Variants in CCNDBP1 observed in about 807,000 individuals in gnomAD.
CCNDBP1 encodes cyclin D1 binding protein 1.
Under a neutral mutation model 46.2 loss-of-function variants are expected in CCNDBP1, and 45 were observed. The ratio of observed to expected loss-of-function variants is 0.97; its 90% CI spans 0.77 to 1.25. The LOEUF (loss-of-function observed/expected upper bound fraction) is 1.25, where lower values mean the gene tolerates loss of function less well. CCNDBP1 is among the 50% of genes most tolerant of loss of function. The pLI is 0.00. For synonymous variants in CCNDBP1, 154 were observed against 163.6 expected, an observed-to-expected ratio of 0.94 and a Z score of 0.45; for missense variants, 436 against 442.1, an observed-to-expected ratio of 0.99 and a Z score of 0.12.
chr15:43,191,755 GT>G, intron 8 of CCNDBP1, 80 bp downstream of exon 8: 1 of 1,486,960 alleles, frequency 6.7e-7, no homozygotes, highest in Non-Finnish European at 9.0e-7. Flanking sequence ...GGTTTTCACA[GT>G]TTTTTTATAT....
chr15:43,186,294 T>G lies in CCNDBP1; in HGVS notation c.249+61T>G, dbSNP rs903347914. The G allele has an allele frequency of 8.0e-6, 11 of 1,373,704 alleles. No individual in the cohort carries two copies. In the Admixed American group the frequency reaches 2.0e-4, roughly 25 times the overall value. 85.1% of individuals were successfully genotyped at this position (1,373,704 alleles called of 1,614,324 possible). On this transcript the variant is annotated intron_variant, in intron 3 of 10. Transcript: ENST00000300213. Reference sequence around the variant, plus strand: ...AGTTACACCTTAGGAATCCTCTAATTTTCTTTCCACCTTTTGCACGCACGC... The same window carrying G: ...AGTTACACCTTAGGAATCCTCTAATGTTCTTTCCACCTTTTGCACGCACGC...
chr15:43,196,537 G>A lies in CCNDBP1; in HGVS notation c.*1696G>A, dbSNP rs768893150. On this transcript the variant is annotated 3_prime_UTR_variant, in exon 11 of 11. Coordinates refer to ENST00000300213, the MANE Select transcript of CCNDBP1 (RefSeq NM_012142.5). ...TCCTGACCTCAGGTGATCTGCCCAC[G>A]TCAGCCTCCCAAAGTGCTGGGATTA... 1.3e-5 allele frequency: 2 copies of A among 151,870 alleles called. No homozygotes were observed. Among genetic ancestry groups the A allele is most frequent in the Non-Finnish European group, 2.9e-5 (2 of 68,086 alleles). 9.4% of individuals were successfully genotyped at this position (151,870 alleles called of 1,614,324 possible). A position where few individuals can be genotyped will look rare whatever the true frequency, so the allele number is the denominator to read the frequency against.
rs1031611384 is a variant in CCNDBP1, at chr15:43,195,537, G to A, written c.*696G>A. 1 of 152,138 alleles carries A rather than the reference G, an allele frequency of 6.6e-6. No individual in the cohort carries two copies. Among genetic ancestry groups the A allele is most frequent in the Non-Finnish European group, 1.5e-5 (1 of 68,022 alleles). The allele number at this position is 152,138 out of a possible 1,614,324, so 9.4% of individuals were successfully genotyped here. ...TCCTTGGTTACGTGTGTCCCCAAATGTAAATACCAAATTTTTATAAATCAA... is the reference window on the plus strand; with the variant it reads ...TCCTTGGTTACGTGTGTCCCCAAATATAAATACCAAATTTTTATAAATCAA... On this transcript the variant is annotated 3_prime_UTR_variant, in exon 11 of 11. Transcript: ENST00000300213.
chr15:43,185,978 C>A, intron 2 of CCNDBP1, 99 bp downstream of exon 2: 1 of 1,269,016 alleles, frequency 7.9e-7, no homozygotes, highest in Non-Finnish European at 1.1e-6. Context: ...TGCTCTCCCC[C>A]GCTGCATCCT....
intron 7 of CCNDBP1, 102 bp downstream of exon 7, chr15:43,191,144 C>A: frequency 1.0e-6 from 1 of 961,528 alleles, no homozygotes; most frequent in Non-Finnish European, 1.6e-6. Flanking sequence ...GTCCCATTCT[C>A]ACTACTGTCC....
intron 9 of CCNDBP1, 82 bp from the exon 10 acceptor site, chr15:43,194,333 A>G (rs2042010539): frequency 8.7e-7 from 1 of 1,147,804 alleles, no homozygotes; most frequent in Non-Finnish European, 1.2e-6. Context: ...TAATTTTTTT[A>G]TTACTTGGGT....
In CCNDBP1 at chr15:43,192,762, A is replaced by G. The variant is rs1161170118; in HGVS notation, c.880A>G (p.Ser294Gly). 6.2e-7 allele frequency: 1 copy of G among 1,614,102 alleles called. No individual in the cohort carries two copies. The highest frequency in any genetic ancestry group is 1.7e-5 in the Admixed American group (1 of 60,020). Residue 294 changes from serine to glycine, a missense_variant, in exon 9 of 11, where the codon AGC (serine) becomes GGC (glycine). Ser to Gly is a moderately conservative substitution (Grantham distance 56, BLOSUM62 0). Coordinates refer to ENST00000300213, the MANE Select transcript of CCNDBP1 (RefSeq NM_012142.5). ...TCTTAGTGTGGATGATTTGGCTCTG[A>G]GCATATATCCACCTATGTGTCACCT... ...ISPSVDDLAL[S>G]IYPPMCHLTV...
intron 6 of CCNDBP1, 21 bp from the exon 7 acceptor site, chr15:43,190,945 C>T (rs776870054): frequency 4.4e-6 from 7 of 1,595,826 alleles, no homozygotes; most frequent in East Asian, 2.2e-5. Context: ...AATTCTAGTG[C>T]TTCTGATTTT....
rs1199467377 is a variant in CCNDBP1, at chr15:43,189,452, T to C, written c.331+172T>C. 7 of 521,954 alleles carry C rather than the reference T, an allele frequency of 1.3e-5. No individual in the cohort carries two copies. In the Admixed American group the frequency reaches 1.5e-4, roughly 11 times the overall value. The allele number at this position is 521,954 out of a possible 1,614,324, so 32.3% of individuals were successfully genotyped here. On this transcript the variant is annotated intron_variant, in intron 4 of 10. Coordinates refer to ENST00000300213, the MANE Select transcript of CCNDBP1 (RefSeq NM_012142.5). Reference sequence around the variant, plus strand: ...ATATAAACAAGCCATTATTCTAAGATACAGATGCTTTGTTCCTATGACTTC... The same window carrying C: ...ATATAAACAAGCCATTATTCTAAGACACAGATGCTTTGTTCCTATGACTTC...
intron 9 of CCNDBP1, 33 bp downstream of exon 9, chr15:43,192,836 A>C: frequency 6.3e-7 from 1 of 1,585,600 alleles, no homozygotes. Flanking sequence ...TAGCTACAGA[A>C]CAAATGGGCA....
chr15:43,186,048 G>T, intron 2 of CCNDBP1, 106 bp from the exon 3 acceptor site: 1 of 1,248,992 alleles, frequency 8.0e-7, no homozygotes, highest in Admixed American at 1.7e-5. Flanking sequence ...TTCTAACCTC[G>T]ACATTCGGGA....
chr15:43,187,999 T>TG (rs1299667190), intron 3 of CCNDBP1, among the ~76,000 whole-genome samples: 3 of 152,110 alleles, frequency 2.0e-5, no homozygotes, highest in East Asian at 1.9e-4. Context: ...TTGGTTTTTT[T>TG]TTGTTGTTGT....
At position 43,189,077 on chromosome 15, in the gene CCNDBP1, CAAAAAAAAAAAAAAAA is replaced by C. The variant is rs763476042; in HGVS notation, c.250-110_250-95del. On this transcript the variant is annotated intron_variant, in intron 3 of 10. Coordinates refer to ENST00000300213, the MANE Select transcript of CCNDBP1 (RefSeq NM_012142.5). ...TGGGTGACAGAGTGAGACTCTGTCT[CAAAAAAAAAAAAAAAA>C]AAAAAAAAAAAGAAAAAGAAAGAAA... is the stretch of plus-strand genomic sequence containing the variant. 1.5e-4 allele frequency: 23 copies of C among 152,204 alleles called. No homozygotes were observed. The African/African-American group carries it at 3.4e-3, about 23-fold the overall frequency. 9.4% of individuals were successfully genotyped at this position (152,204 alleles called of 1,614,324 possible). A position where few individuals can be genotyped will look rare whatever the true frequency, so the allele number is the denominator to read the frequency against.
intron 3 of CCNDBP1, chr15:43,188,610 A>G (rs1860503247): frequency 6.6e-6 from 1 of 152,240 alleles, no homozygotes; most frequent in African/African-American, 2.4e-5. Flanking sequence ...GATATCATGA[A>G]TATCTTGGGA....
rs1478227866 is a variant in CCNDBP1, at chr15:43,191,342, CCTT to C, written c.580-52_580-50del. 7.7e-4 allele frequency: 853 copies of C among 1,108,948 alleles called. 4 individuals are homozygous for C. In the African/African-American group the frequency reaches 0.012, roughly 16 times the overall value. 68.7% of individuals were successfully genotyped at this position (1,108,948 alleles called of 1,614,324 possible). A position where few individuals can be genotyped will look rare whatever the true frequency, so the allele number is the denominator to read the frequency against. ...GGTAAAAGTATAATAATAGGCCTCG[CCTT>C]TTTTTTTTTTTTTTTTTTTTGCATT... On this transcript the variant is annotated intron_variant, in intron 7 of 10. Coordinates refer to ENST00000300213, the MANE Select transcript of CCNDBP1 (RefSeq NM_012142.5).
At chr15:43,186,733 T>TG (rs1491335416) in intron 3 of CCNDBP1, among the ~76,000 whole-genome samples, 2 of 152,246 alleles carry the variant, frequency 1.3e-5, no homozygotes, top group African/African-American at 4.8e-5. Flanking sequence ...CAAAGTGTGT[T>TG]AAGTTTACCT....
At position 43,197,042 on chromosome 15, in the gene CCNDBP1, C is replaced by A; in HGVS notation, c.*2201C>A. 1 of 481,462 alleles carries A rather than the reference C, an allele frequency of 2.1e-6. No individual in the cohort carries two copies. Among genetic ancestry groups the A allele is most frequent in the Non-Finnish European group, 3.8e-6 (1 of 264,796 alleles). The allele number at this position is 481,462 out of a possible 1,614,324, so 29.8% of individuals were successfully genotyped here. ...TGGCACTTACCCCTACCCCTCAACC[C>A]ATTCTTGCCCTGTGATCTCTGCTCA... On this transcript the variant is annotated 3_prime_UTR_variant, in exon 11 of 11. Transcript: ENST00000300213.
Position 43,195,595 on chromosome 15 carries a change from T to G in CCNDBP1, c.*754T>G, listed in dbSNP as rs984771537. 2 of 152,190 alleles carry G rather than the reference T, an allele frequency of 1.3e-5. No homozygotes were observed. Among genetic ancestry groups the G allele is most frequent in the South Asian group, 4.1e-4 (2 of 4,836 alleles). 9.4% of individuals were successfully genotyped at this position (152,190 alleles called of 1,614,324 possible). A position where few individuals can be genotyped will look rare whatever the true frequency, so the allele number is the denominator to read the frequency against. On this transcript the variant is annotated 3_prime_UTR_variant, in exon 11 of 11. Transcript: ENST00000300213. ...TTAGTGTGTAAGAGATTTTATGTAA[T>G]TTTAAGGGCCTTTTCAGTTCATCCT...
In CCNDBP1 at chr15:43,195,194, T is replaced by C. The variant is rs1181261286; in HGVS notation, c.*353T>C. On this transcript the variant is annotated 3_prime_UTR_variant, in exon 11 of 11. Coordinates refer to ENST00000300213, the MANE Select transcript of CCNDBP1 (RefSeq NM_012142.5). ...CAATAAAATGCTAACTTGCCAGTGA[T>C]TAAATGAGTGCCCTTCCAAAGTTTC... 5.8e-6 allele frequency: 1 copy of C among 173,584 alleles called. No homozygotes were observed. The highest frequency in any genetic ancestry group is 6.2e-5 in the Admixed American group (1 of 16,060). The allele number at this position is 173,584 out of a possible 1,614,324, so 10.8% of individuals were successfully genotyped here. A position where few individuals can be genotyped will look rare whatever the true frequency, so the allele number is the denominator to read the frequency against.
Sources: allele counts gnomAD v4.1 joint callset (sites outside exome capture counted in the v4.1 genomes callset), GRCh38; gene constraint gnomAD v4.1.1; transcripts MANE v1.5; gene names NCBI Gene and HGNC (gene_info 2026-07-23, HGNC 2026-07-21).